The following SLC9A6 variants were observed in gnomAD, a reference collection of about 807,000 sequenced individuals.
SLC9A6 encodes sodium/hydrogen exchanger 6.
A neutral mutation model predicts 45.3 loss-of-function variants in SLC9A6; 6 were observed. The ratio of observed to expected loss-of-function variants is 0.13; its 90% CI spans 0.07 to 0.26. The LOEUF (loss-of-function observed/expected upper bound fraction) is 0.26, where lower values mean the gene tolerates loss of function less well. SLC9A6 is among the 10% of genes least tolerant of loss of function. The probability of loss-of-function intolerance (pLI) is 1.00; values close to 1 mark genes in which losing one functional copy is unlikely to be tolerated. For missense variants in SLC9A6, 278 were observed against 503.7 expected (o/e 0.55, Z 4.29); for synonymous variants, 191 against 187.7 (o/e 1.02, Z -0.14).
At chrX:136,043,764 C>A (rs1376429368) in intron 17 of SLC9A6, among the ~76,000 whole-genome samples, 2 of 112,235 alleles carry the variant, frequency 1.8e-5, no homozygotes, top group Non-Finnish European at 3.8e-5. Context: ...ATTCCTGATT[C>A]TTTTCCCTTT....
At chrX:136,026,982 A>G (rs1569525441) in intron 13 of SLC9A6, among the ~76,000 whole-genome samples, 1 of 111,779 alleles carries the variant, frequency 8.9e-6, no homozygotes. Flanking sequence ...TAAACATGCT[A>G]CAATGCATAG....
chrX:136,037,260 ACG>A (rs781878048), intron 16 of SLC9A6, among the ~76,000 whole-genome samples: 39 of 110,309 alleles, frequency 3.5e-4, no homozygotes, highest in South Asian at 7.5e-4. Flanking sequence ...GTGCACACAC[ACG>A]CACACACACA....
chrX:135,996,928 G>A (rs782510768), intron 3 of SLC9A6, among the ~76,000 whole-genome samples: 6 of 109,641 alleles, frequency 5.5e-5, no homozygotes, highest in South Asian at 3.9e-4. Flanking sequence ...CACCACGCCC[G>A]GCTAATTTTT....
chrX:135,977,937 C>G (rs2089270322), intron 1 of SLC9A6, among the ~76,000 whole-genome samples: 2 of 111,951 alleles, frequency 1.8e-5, no homozygotes, highest in African/African-American at 6.5e-5. Flanking sequence ...GGGTTTGAAT[C>G]CTTGCTTTTC....
intron 7 of SLC9A6, among the ~76,000 whole-genome samples, chrX:136,005,678 C>A (rs868925279): frequency 6.5e-4 from 54 of 83,198 alleles, no homozygotes; most frequent in Admixed American, 9.9e-4. Context: ...GAGACTGTCT[C>A]AAAAAAAAAA....
chrX:136,000,118 G>A (rs2089558278), intron 6 of SLC9A6, among the ~76,000 whole-genome samples: 1 of 108,401 alleles, frequency 9.2e-6, no homozygotes, highest in Admixed American at 9.9e-5. Flanking sequence ...GAGCATGGGA[G>A]TGCGTGCCTG....
intron 3 of SLC9A6, among the ~76,000 whole-genome samples, chrX:135,996,094 C>T (rs1328106855): frequency 2.1e-5 from 2 of 96,515 alleles, no homozygotes; most frequent in Non-Finnish European, 4.1e-5. Context: ...TGTAGTGGCA[C>T]GATCTCAGCT....
chrX:135,998,330 C>G (rs2089534279), intron 4 of SLC9A6, 145 bp downstream of exon 4: 9 of 554,555 alleles, frequency 1.6e-5, no homozygotes, highest in Non-Finnish European at 2.7e-5. Context: ...AAATTTATAC[C>G]TGTACAAGAA....
At chrX:136,005,694 A>AAG (rs2089646990) in intron 7 of SLC9A6, among the ~76,000 whole-genome samples, 3 of 87,734 alleles carry the variant, frequency 3.4e-5, no homozygotes, top group Non-Finnish European at 4.7e-5. Context: ...AAAAAAAAAA[A>AAG]GAGAGAGAGC....
chrX:135,996,676 A>G (rs782574932), intron 3 of SLC9A6, among the ~76,000 whole-genome samples: 13 of 111,947 alleles, frequency 1.2e-4, no homozygotes, highest in African/African-American at 1.6e-4. Context: ...TTTTGCCAAC[A>G]ATAATACTGT....
At chrX:136,015,354 G>A (rs1270835234) in intron 10 of SLC9A6, among the ~76,000 whole-genome samples, 1 of 112,074 alleles carries the variant, frequency 8.9e-6, no homozygotes, top group Non-Finnish European at 1.9e-5. Flanking sequence ...ATCCTCTCAT[G>A]TTTACTCTCT....
rs374532605 is a variant in SLC9A6 at position 136,045,386 on chromosome X, C to CT, written c.*665dup. On this transcript the variant is annotated 3_prime_UTR_variant, in exon 18 of 18. Transcript: ENST00000630721. ...AGAAGGCTGCAAATGACTTCTGAGACTTTATGTCTTTTCTTCCAGACCAAG... is the reference window on the plus strand; with the variant it reads ...AGAAGGCTGCAAATGACTTCTGAGACTTTTATGTCTTTTCTTCCAGACCAAG... The CT allele has an allele frequency of 8.9e-6, 1 of 112,601 alleles. No individual in the cohort carries two copies. The highest frequency in any genetic ancestry group is 3.3e-5 in the African/African-American group (1 of 30,680). The allele number at this position is 112,601 out of a possible 1,213,427, so 9.3% of individuals were successfully genotyped here. A position where few individuals can be genotyped will look rare whatever the true frequency, so the allele number is the denominator to read the frequency against.
At chrX:136,019,728 T>C (rs1240233061) in intron 11 of SLC9A6, among the ~76,000 whole-genome samples, 1 of 112,555 alleles carries the variant, frequency 8.9e-6, no homozygotes, top group Non-Finnish European at 1.9e-5. Context: ...CATGGTACAT[T>C]TGTCACAGTG....
At chrX:135,996,083 G>A (rs1284138325) in intron 3 of SLC9A6, among the ~76,000 whole-genome samples, 2 of 93,948 alleles carry the variant, frequency 2.1e-5, no homozygotes, top group Non-Finnish European at 4.1e-5. Context: ...CCAGGCTGGA[G>A]TGTAGTGGCA....
chrX:136,014,031 G>A (rs1556618985), intron 10 of SLC9A6, among the ~76,000 whole-genome samples: 2 of 112,058 alleles, frequency 1.8e-5, no homozygotes, highest in African/African-American at 6.5e-5. Flanking sequence ...CAGTTGTGCA[G>A]GGTATCTGAA....
chrX:136,007,050 A>C (rs1379958886), intron 7 of SLC9A6, among the ~76,000 whole-genome samples: 1 of 111,016 alleles, frequency 9.0e-6, no homozygotes, highest in Non-Finnish European at 1.9e-5. Flanking sequence ...TATTTTTAGT[A>C]GAGGTGGGGT....
At chrX:136,013,904 A>G (rs1556618971) in intron 10 of SLC9A6, among the ~76,000 whole-genome samples, 1 of 112,416 alleles carries the variant, frequency 8.9e-6, no homozygotes, top group African/African-American at 3.2e-5. Flanking sequence ...TGATCTGATT[A>G]GACCTACTAA....
intron 6 of SLC9A6, 123 bp downstream of exon 6, chrX:135,999,091 T>G: frequency 5.8e-6 from 3 of 514,497 alleles, no homozygotes; most frequent in East Asian, 3.5e-5. Context: ...GTACTATACT[T>G]TCTAATTGTG....
intron 11 of SLC9A6, among the ~76,000 whole-genome samples, chrX:136,017,229 A>G (rs1346496182): frequency 1.8e-5 from 2 of 110,427 alleles, no homozygotes; most frequent in East Asian, 5.7e-4. Context: ...AACCTGGGCA[A>G]TGTAGCAAGA....
Sources: gnomAD v4.1 joint callset for allele counts (sites outside exome capture counted in the v4.1 genomes callset) on GRCh38, gnomAD v4.1.1 for gene constraint, MANE v1.5 for transcripts, NCBI Gene and HGNC (gene_info 2026-07-23, HGNC 2026-07-21) for gene names.